Variants in ARHGAP30 observed in about 807,000 individuals in gnomAD.
ARHGAP30 encodes rho GTPase-activating protein 30.
ARHGAP30 carries 23 observed loss-of-function variants against 72.0 expected under a neutral mutation model. The observed-to-expected ratio is 0.32, with a 90% confidence interval of 0.23 to 0.45. ARHGAP30 has a LOEUF of 0.45. Ranked by LOEUF, ARHGAP30 falls within the 20% of genes least tolerant of loss-of-function variation. The probability of loss-of-function intolerance (pLI) is 1.00; values close to 1 mark genes in which losing one functional copy is unlikely to be tolerated. For missense variants in ARHGAP30, 1,319 were observed against 1,383.4 expected (o/e 0.95, Z 0.74); for synonymous variants, 576 against 528.2 (o/e 1.09, Z -1.24).
Position 161,048,177 on chromosome 1 carries a change from C to G in ARHGAP30, c.2844G>C (p.Lys948Asn). Reference protein sequence around the residue: ...PVVPPKPQFAKMPSAMCSKIH... With the variant: ...PVVPPKPQFANMPSAMCSKIH... ...TCTTGCTACACATTGCACTGGGCAT[C>G]TTGGCAAACTGTGGCTTGGGGGGCA... is the stretch of plus-strand genomic sequence containing the variant. The change falls in exon 12 of 12, where the codon AAG (lysine) becomes AAC (asparagine). Residue 948 changes from lysine to asparagine, a missense_variant. By Grantham distance (94) the Lys-to-Asn change is moderately conservative (BLOSUM62 0). Around this residue, in one of 2 missense-constraint regions of ARHGAP30, gnomAD observed 1,097 missense variants for 1,045.2 expected, o/e 1.05. Transcript: ENST00000368013. 6.2e-7 allele frequency: 1 copy of G among 1,614,224 alleles called. No individual in the cohort carries two copies. Among genetic ancestry groups the G allele is most frequent in the Non-Finnish European group, 8.5e-7 (1 of 1,180,040 alleles).
intron 5 of ARHGAP30, 129 bp downstream of exon 5, chr1:161,054,237 T>A: frequency 1.2e-6 from 1 of 809,484 alleles, no homozygotes; most frequent in South Asian, 1.6e-5. Flanking sequence ...AACCTTCTTT[T>A]CTCACTGGGC....
At chr1:161,064,730 C>A (rs1216361471) in intron 1 of ARHGAP30, among the ~76,000 whole-genome samples, 3 of 148,362 alleles carry the variant, frequency 2.0e-5, no homozygotes, top group African/African-American at 7.5e-5. Flanking sequence ...GCACACCAGC[C>A]TCGGCAACAG....
In ARHGAP30 at chr1:161,052,509, A is replaced by G; in HGVS notation, c.871T>C (p.Ser291Pro). 6.2e-7 allele frequency: 1 copy of G among 1,613,608 alleles called. No individual in the cohort carries two copies. The highest frequency in any genetic ancestry group is 8.5e-7 in the Non-Finnish European group (1 of 1,179,972). ...CCAGAGCGACCTAAATTGAAGATAGACCTCCACTTCCTGACCTTCAAAGAC... is the reference window on the plus strand; with the variant it reads ...CCAGAGCGACCTAAATTGAAGATAGGCCTCCACTTCCTGACCTTCAAAGAC... ...KGSLKVRKWR[S>P]IFNLGRSGHE... Residue 291 changes from serine to proline, a missense_variant, in exon 8 of 12, where the codon TCT becomes CCT. Ser to Pro is a moderately conservative substitution (Grantham distance 74). Coordinates refer to ENST00000368013, the MANE Select transcript of ARHGAP30 (RefSeq NM_001025598.2).
intron 3 of ARHGAP30, among the ~76,000 whole-genome samples, chr1:161,055,475 C>T (rs1021316121): frequency 5.3e-5 from 8 of 150,618 alleles, no homozygotes; most frequent in Non-Finnish European, 1.0e-4. Flanking sequence ...CCTGGGTGAC[C>T]GAAGGAGACC....
intron 1 of ARHGAP30, among the ~76,000 whole-genome samples, chr1:161,063,067 C>T (rs1457962621): frequency 2.6e-5 from 4 of 152,218 alleles, no homozygotes; most frequent in African/African-American, 9.6e-5. Context: ...CCCACCTCAG[C>T]CTCTCAAAGT....
intron 3 of ARHGAP30, 152 bp downstream of exon 3, chr1:161,056,236 G>T: frequency 9.7e-7 from 1 of 1,031,854 alleles, no homozygotes; most frequent in Non-Finnish European, 1.4e-6. Context: ...AGGAGATTTG[G>T]GGAGGAGGGG....
chr1:161,051,116 C>T (rs1481474639), intron 10 of ARHGAP30, among the ~76,000 whole-genome samples, 198 bp downstream of exon 10: 16 of 152,274 alleles, frequency 1.1e-4, no homozygotes, highest in African/African-American at 3.9e-4. Context: ...TAGAGATCTC[C>T]TCTCCATAGA....
At chr1:161,060,556 A>C (rs1417193685) in intron 1 of ARHGAP30, among the ~76,000 whole-genome samples, 1 of 147,230 alleles carries the variant, frequency 6.8e-6, no homozygotes, top group Non-Finnish European at 1.5e-5. Context: ...AGATCACGCC[A>C]CTGCACTCTA....
chr1:161,069,678 C>G lies in ARHGAP30; in HGVS notation c.-54G>C, dbSNP rs1286994099. 4.5e-6 allele frequency: 7 copies of G among 1,568,176 alleles called. No individual in the cohort carries two copies. The highest frequency in any genetic ancestry group is 6.1e-6 in the Non-Finnish European group (7 of 1,150,062). On this transcript the variant is annotated 5_prime_UTR_variant, in exon 1 of 12. Coordinates refer to ENST00000368013, the MANE Select transcript of ARHGAP30 (RefSeq NM_001025598.2). The surrounding 1 kb of genome is among the most constrained non-coding windows in gnomAD (Gnocchi z 4.9). ...CACCTCTATCCCCCAAGACCTGTGCCCTACCAGTCCCCCATGGGATCCCAG... is the reference window on the plus strand; with the variant it reads ...CACCTCTATCCCCCAAGACCTGTGCGCTACCAGTCCCCCATGGGATCCCAG...
At position 161,069,729 on chromosome 1, in the gene ARHGAP30, C is replaced by A; in HGVS notation, c.-105G>T. The A allele has an allele frequency of 3.2e-6, 4 of 1,266,202 alleles. No individual in the cohort carries two copies. The highest frequency in any genetic ancestry group is 4.4e-6 in the Non-Finnish European group (4 of 900,978). 78.4% of individuals were successfully genotyped at this position (1,266,202 alleles called of 1,614,324 possible). On this transcript the variant is annotated 5_prime_UTR_variant, in exon 1 of 12. Transcript: ENST00000368013. The surrounding 1 kb of genome is among the most constrained non-coding windows in gnomAD (Gnocchi z 4.9). ...CCAGCTGCTGGGCTTGGCCCGGCCCCAGGGGGGCAGGGCTCCCAATTGGGG... is the reference window on the plus strand; with the variant it reads ...CCAGCTGCTGGGCTTGGCCCGGCCCAAGGGGGGCAGGGCTCCCAATTGGGG...
chr1:161,061,184 T>G (rs6662441), intron 1 of ARHGAP30, among the ~76,000 whole-genome samples: 122,222 of 151,814 alleles, frequency 0.81, 49,419 homozygotes, highest in African/African-American at 0.88. Context: ...TTGTTTTTTT[T>G]AGATGGAGTC....
chr1:161,053,035 G>C, intron 6 of ARHGAP30: 1 of 855,684 alleles, frequency 1.2e-6, no homozygotes, highest in Non-Finnish European at 1.8e-6. Flanking sequence ...ACTAGCCTTG[G>C]GAGCCAGGAT....
Position 161,048,946 on chromosome 1 carries a change from C to T in ARHGAP30, c.2075G>A (p.Arg692Lys), listed in dbSNP as rs777982413. The T allele has an allele frequency of 6.2e-7, 1 of 1,614,026 alleles. No homozygotes were observed. The highest frequency in any genetic ancestry group is 1.1e-5 in the South Asian group (1 of 91,080). ...KVEAGKASED[R>K]GEAGGSQETK... The stretch of plus-strand genomic sequence containing the variant: ...CTCTTGGCTTCCCCCAGCCTCCCCT[C>T]TATCCTCACTGGCCTTTCCAGCCTC... Residue 692 changes from arginine (R) to lysine (K), a missense_variant, in exon 12 of 12, where the codon AGA (arginine) becomes AAA (lysine). Arg to Lys is a conservative substitution (Grantham distance 26). Around this residue, in one of 2 missense-constraint regions of ARHGAP30, gnomAD observed 1,097 missense variants for 1,045.2 expected, o/e 1.05. Coordinates refer to ENST00000368013, the MANE Select transcript of ARHGAP30 (RefSeq NM_001025598.2).
intron 5 of ARHGAP30, 88 bp from the exon 6 acceptor site, chr1:161,053,473 T>G: frequency 1.1e-6 from 1 of 945,904 alleles, no homozygotes; most frequent in Non-Finnish European, 1.4e-6. Context: ...TCTCTCTCTC[T>G]CTCTCTCTCT....
Position 161,048,475 on chromosome 1 carries a change from T to C in ARHGAP30, c.2546A>G (p.Gln849Arg). The change falls in exon 12 of 12, where the codon CAG becomes CGG. Residue 849 changes from glutamine to arginine, a missense_variant. Gln to Arg is a conservative substitution (Grantham distance 43). This residue lies in a region of ARHGAP30 where 1,097 missense variants were observed against 1,045.2 expected (regional missense o/e 1.05). Coordinates refer to ENST00000368013, the MANE Select transcript of ARHGAP30 (RefSeq NM_001025598.2). ...TTCTAAATAGTACCCTCCAGCCCTCTGGTCTCCCTCAGCCTCTCCATCCCC... is the reference window on the plus strand; with the variant it reads ...TTCTAAATAGTACCCTCCAGCCCTCCGGTCTCCCTCAGCCTCTCCATCCCC... ...ESGDGEAEGDQRAGGYYLEED... is the reference protein window; with the variant it reads ...ESGDGEAEGDRRAGGYYLEED... 1 of 1,614,162 alleles carries C rather than the reference T, an allele frequency of 6.2e-7. No homozygotes were observed. Among genetic ancestry groups the C allele is most frequent in the Non-Finnish European group, 8.5e-7 (1 of 1,180,014 alleles).
At position 161,049,180 on chromosome 1, in the gene ARHGAP30, T is replaced by C; in HGVS notation, c.1841A>G (p.Asp614Gly). 1 of 1,614,182 alleles carries C rather than the reference T, an allele frequency of 6.2e-7. No homozygotes were observed. Among genetic ancestry groups the C allele is most frequent in the South Asian group, 1.1e-5 (1 of 91,078 alleles). The change falls in exon 12 of 12, where the codon GAT becomes GGT. Residue 614 changes from aspartate to glycine, a missense_variant. Transcript: ENST00000368013. ...AGGTCCCAGAAGGGGACTTAGGTCATCATAGGCACTCAGGAAAACTTCCTC... is the reference window on the plus strand; with the variant it reads ...AGGTCCCAGAAGGGGACTTAGGTCACCATAGGCACTCAGGAAAACTTCCTC... ...NGEEVFLSAYDDLSPLLGPKP... is the reference protein window; with the variant it reads ...NGEEVFLSAYGDLSPLLGPKP...
Position 161,048,711 on chromosome 1 carries a change from C to G in ARHGAP30, c.2310G>C (p.Glu770Asp), listed in dbSNP as rs377370667. 6.2e-7 allele frequency: 1 copy of G among 1,614,096 alleles called. No homozygotes were observed. Among genetic ancestry groups the G allele is most frequent in the East Asian group, 2.2e-5 (1 of 44,878 alleles). The part of the protein sequence containing the change: ...EAQVEAGRDL[E>D]QGAQEDQVAE... ...CAACTTGATCTTCCTGGGCCCCTTG[C>G]TCTAGGTCCCTTCCAGCTTCTACCT... is the stretch of plus-strand genomic sequence containing the variant. Residue 770 changes from glutamate (E) to aspartate (D), a missense_variant, in exon 12 of 12, where the codon GAG (glutamate) becomes GAC (aspartate). This residue lies in a region of ARHGAP30 where 1,097 missense variants were observed against 1,045.2 expected (regional missense o/e 1.05). Coordinates refer to ENST00000368013, the MANE Select transcript of ARHGAP30 (RefSeq NM_001025598.2).
In ARHGAP30 at chr1:161,047,851, G is replaced by C; in HGVS notation, c.3170C>G (p.Ala1057Gly). The change falls in exon 12 of 12, where the codon GCA becomes GGA. Residue 1057 changes from alanine (A) to glycine (G), a missense_variant. Around this residue, in one of 2 missense-constraint regions of ARHGAP30, gnomAD observed 1,097 missense variants for 1,045.2 expected, o/e 1.05. Transcript: ENST00000368013. Reference sequence around the variant, plus strand: ...ACGACTCCGGGATCCAGACCCTTCTGCACCTTCAGATGGGAGCTCCAGGCA... The same window carrying C: ...ACGACTCCGGGATCCAGACCCTTCTCCACCTTCAGATGGGAGCTCCAGGCA... ...LSCLELPSEG[A>G]EGSGSRSRLS... The C allele has an allele frequency of 6.2e-7, 1 of 1,611,696 alleles. No individual in the cohort carries two copies. The highest frequency in any genetic ancestry group is 8.5e-7 in the Non-Finnish European group (1 of 1,179,008).
chr1:161,053,047 G>T (rs911372520), intron 6 of ARHGAP30: 15 of 873,896 alleles, frequency 1.7e-5, no homozygotes, highest in Non-Finnish European at 2.4e-5. Flanking sequence ...AGCCAGGATG[G>T]TGACTCAGAG....
Sources: allele counts gnomAD v4.1 joint callset (sites outside exome capture counted in the v4.1 genomes callset), GRCh38; gene constraint gnomAD v4.1.1; regional missense constraint gnomAD v4.1.1; non-coding constraint Gnocchi (gnomAD v3.1); transcripts MANE v1.5; gene names NCBI Gene and HGNC (gene_info 2026-07-23, HGNC 2026-07-21).